Variants in SGCD observed in about 807,000 individuals in gnomAD.
SGCD encodes delta-sarcoglycan.
SGCD carries 18 observed loss-of-function variants against 36.6 expected under a neutral mutation model. The ratio of observed to expected loss-of-function variants is 0.49; its 90% CI spans 0.34 to 0.73. The LOEUF (loss-of-function observed/expected upper bound fraction) is 0.73, where lower values mean the gene tolerates loss of function less well. SGCD is among the 30% of genes least tolerant of loss of function. SGCD has a pLI of 0.01. For missense variants in SGCD, 387 were observed against 346.7 expected (o/e 1.12, Z -0.92); for synonymous variants, 133 against 130.6 (o/e 1.02, Z -0.12).
chr5:156,689,963 C>T (rs920249104), intron 7 of SGCD, among the ~76,000 whole-genome samples: 6 of 152,146 alleles, frequency 3.9e-5, no homozygotes, highest in Non-Finnish European at 7.4e-5. Context: ...TCTGTGATAT[C>T]TTGGTAAATA....
chr5:155,848,979 G>T, the SGCD span, among the ~76,000 whole-genome samples: 2 of 151,922 alleles, frequency 1.3e-5, no homozygotes, highest in African/African-American at 4.8e-5. Flanking sequence ...TTGGTCATAG[G>T]TTCATTTTCT....
upstream of SGCD, among the ~76,000 whole-genome samples, chr5:155,869,914 G>T (rs1294893961): frequency 6.6e-6 from 1 of 152,104 alleles, no homozygotes; most frequent in Non-Finnish European, 1.5e-5. Context: ...CAGGAGAATC[G>T]CTTGAACCCG....
At chr5:156,101,492 A>G (rs1761513645) in intron 1 of SGCD, among the ~76,000 whole-genome samples, 1 of 152,232 alleles carries the variant, frequency 6.6e-6, no homozygotes, top group Non-Finnish European at 1.5e-5. Flanking sequence ...CCCAGAATCT[A>G]GAAATATACC....
At chr5:155,777,077 C>T in the SGCD span, among the ~76,000 whole-genome samples, 1 of 152,076 alleles carries the variant, frequency 6.6e-6, no homozygotes, top group African/African-American at 2.4e-5. Context: ...AAAAGGGTTC[C>T]TGCTTGTGAG....
chr5:156,228,099 A>G (rs1764903354), intron 3 of SGCD, among the ~76,000 whole-genome samples: 1 of 152,150 alleles, frequency 6.6e-6, no homozygotes, highest in Non-Finnish European at 1.5e-5. Context: ...TGTGCTGTTG[A>G]ATAGAATGTA....
chr5:156,305,395 T>C (rs1160571247), intron 3 of SGCD, among the ~76,000 whole-genome samples: 1 of 152,196 alleles, frequency 6.6e-6, no homozygotes, highest in Non-Finnish European at 1.5e-5. Flanking sequence ...TCTCAAGCCT[T>C]GGCAGCTTTC....
rs143254344 is a variant in SGCD at position 156,697,334 on chromosome 5, C to T, written c.575+49798C>T. ...TGGCGCAGCTCCCTTGGACCCCTGA[C>T]TGTGTGTCTGAGGAGATGGACAAGA... On this transcript the variant is annotated intron_variant, in intron 7 of 8. Coordinates refer to ENST00000337851, the MANE Select transcript of SGCD (RefSeq NM_000337.6). Among the ~76,000 whole-genome samples, 377 of 152,288 alleles carry T rather than the reference C, an allele frequency of 2.5e-3. 1 individual carries two copies. Among genetic ancestry groups the T allele is most frequent in the Middle Eastern group, 0.01 (3 of 294 alleles).
Position 156,458,162 on chromosome 5 carries a change from A to AGCAG in SGCD, c.193-50423_193-50420dup, listed in dbSNP as rs550408015. ...TGCTGAAGGAGAATCCTCATTCCCC[A>AGCAG]GCAGGCAGGCAGGCAGGCACACAGG... On this transcript the variant is annotated intron_variant, in intron 3 of 8. Transcript: ENST00000337851. 3.9e-5 allele frequency among the ~76,000 whole-genome samples: 6 copies of AGCAG among 152,210 alleles called. No homozygotes were observed. In the East Asian group the frequency reaches 7.7e-4, roughly 20 times the overall value.
At chr5:156,728,553 A>G (rs1196143422) in intron 7 of SGCD, among the ~76,000 whole-genome samples, 3 of 148,626 alleles carry the variant, frequency 2.0e-5, no homozygotes, top group Non-Finnish European at 4.4e-5. Context: ...GTCACTGCAC[A>G]TGCTTAGAAC....
intron 1 of SGCD, among the ~76,000 whole-genome samples, chr5:155,988,754 C>A (rs1351821860): frequency 1.3e-5 from 2 of 152,174 alleles, no homozygotes; most frequent in Non-Finnish European, 2.9e-5. Flanking sequence ...CTTCAAACTT[C>A]AGTTTTCTCC....
intron 1 of SGCD, among the ~76,000 whole-genome samples, chr5:156,328,148 C>G (rs1767898977): frequency 2.0e-5 from 3 of 152,174 alleles, no homozygotes; most frequent in African/African-American, 7.2e-5. Flanking sequence ...AGTTTTGGTT[C>G]TTCTTTATCA....
the SGCD span, among the ~76,000 whole-genome samples, chr5:155,829,832 A>G: frequency 1.8e-4 from 27 of 152,354 alleles, no homozygotes; most frequent in African/African-American, 6.5e-4. Flanking sequence ...TGAGAAAACC[A>G]GGAAATGGAA....
chr5:156,207,277 A>G (rs1321385907), intron 3 of SGCD, among the ~76,000 whole-genome samples: 4 of 152,144 alleles, frequency 2.6e-5, no homozygotes, highest in Non-Finnish European at 4.4e-5. Flanking sequence ...ACAAGTTGTA[A>G]TAGGAAAAAA....
chr5:155,828,782 G>A, the SGCD span, among the ~76,000 whole-genome samples: 118 of 152,008 alleles, frequency 7.8e-4, no homozygotes, highest in Middle Eastern at 3.4e-3. Context: ...CGCCTACTGG[G>A]TTCAAGTGAT....
intron 7 of SGCD, among the ~76,000 whole-genome samples, chr5:156,740,055 A>C (rs1458635762): frequency 6.6e-6 from 1 of 152,216 alleles, no homozygotes. Context: ...TCAAAAATAG[A>C]AGATGAGTCA....
chr5:156,200,969 T>G (rs1419453696), intron 3 of SGCD, among the ~76,000 whole-genome samples: 1 of 152,138 alleles, frequency 6.6e-6, no homozygotes, highest in African/African-American at 2.4e-5. Context: ...GAGGACATTA[T>G]GCTAAGCAAA....
At chr5:156,508,403 A>C (rs1161508915) in intron 3 of SGCD, among the ~76,000 whole-genome samples, 198 bp from the exon 4 acceptor site, 2 of 152,206 alleles carry the variant, frequency 1.3e-5, no homozygotes, top group Non-Finnish European at 2.9e-5. Context: ...TTTTCTCAGA[A>C]AGAGTGAAAA....
chr5:155,868,267 G>A (rs1755560698), upstream of SGCD, among the ~76,000 whole-genome samples: 3 of 151,600 alleles, frequency 2.0e-5, 1 homozygote, highest in South Asian at 4.2e-4. Flanking sequence ...GCCCAGGTTG[G>A]TCTCAAGCTC....
Position 155,934,352 on chromosome 5 carries a change from G to A in SGCD, c.-282+63928G>A, listed in dbSNP as rs187313424. Among the ~76,000 whole-genome samples the A allele has an allele frequency of 4.1e-3, 619 of 152,308 alleles. 3 individuals are homozygous for A. Among genetic ancestry groups the A allele is most frequent in the South Asian group, 7.3e-3 (35 of 4,826 alleles). ...CATCTTGCTCACATCCCAGAGCTGC[G>A]TTGGCAAGAAGCCTTTTTAACGATC... On this transcript the variant is annotated intron_variant, in intron 1 of 9. Transcript: ENST00000517913.
Sources: allele counts gnomAD v4.1 joint callset (sites outside exome capture counted in the v4.1 genomes callset), GRCh38; gene constraint gnomAD v4.1.1; transcripts MANE v1.5; gene names NCBI Gene and HGNC (gene_info 2026-07-23, HGNC 2026-07-21).